The following ZFP30 variants were observed in gnomAD, a reference collection of about 807,000 sequenced individuals.
ZFP30 encodes zinc finger protein 30 homolog.
In ZFP30, 16 loss-of-function variants were observed where a neutral mutation model predicts 12.3. The ratio of observed to expected loss-of-function variants is 1.30; its 90% CI spans 0.88 to 1.98. The LOEUF (loss-of-function observed/expected upper bound fraction) is 1.98. ZFP30 is among the 30% of genes most tolerant of loss of function. ZFP30 has a pLI of 0.00. For synonymous variants in ZFP30, 172 were observed against 201.0 expected (o/e 0.86, Z 1.22); for missense variants, 560 against 611.2 (o/e 0.92, Z 0.88).
intron 5 of ZFP30, among the ~76,000 whole-genome samples, chr19:37,641,844 A>C (rs868407643): frequency 1.2e-4 from 19 of 152,260 alleles, no homozygotes; most frequent in South Asian, 1.2e-3. Context: ...TCATTTATTT[A>C]TTTCCCTTGT....
Position 37,638,587 on chromosome 19 carries a change from T to C in ZFP30, c.236-2282A>G, listed in dbSNP as rs533198673. Among the ~76,000 whole-genome samples the C allele has an allele frequency of 3.5e-4, 54 of 152,302 alleles. No individual in the cohort carries two copies. The East Asian group carries it at 4.0e-3, about 11-fold the overall frequency. ...ACCCAAACTGGAAAGAGTCCAAGTG[T>C]TCATCAATGGAAGAACAGCTAATAA... On this transcript the variant is annotated intron_variant, in intron 5 of 5. Transcript: ENST00000684514.
chr19:37,640,805 G>A (rs950842805), intron 5 of ZFP30, among the ~76,000 whole-genome samples: 9 of 151,944 alleles, frequency 5.9e-5, no homozygotes, highest in African/African-American at 1.4e-4. Flanking sequence ...TGTCATCCCC[G>A]GAGGTATGCT....
At position 37,633,119 on chromosome 19, in the gene ZFP30, CGA is replaced by C. The variant is rs1235373618; in HGVS notation, c.*1860_*1861del. On this transcript the variant is annotated 3_prime_UTR_variant, in exon 6 of 6. Transcript: ENST00000684514. Reference sequence around the variant, plus strand: ...CCGGGAGGCAGAGCTTGCAGTGAGCCGAGACTGTGCCACTGCACGCCAGCCTG... The same window carrying C: ...CCGGGAGGCAGAGCTTGCAGTGAGCCGACTGTGCCACTGCACGCCAGCCTG... 6.8e-6 allele frequency: 1 copy of C among 146,054 alleles called. No individual in the cohort carries two copies. The highest frequency in any genetic ancestry group is 1.5e-5 in the Non-Finnish European group (1 of 67,090). 9.0% of individuals were successfully genotyped at this position (146,054 alleles called of 1,614,324 possible). A position where few individuals can be genotyped will look rare whatever the true frequency, so the allele number is the denominator to read the frequency against.
chr19:37,642,826 C>A (rs761243750), intron 5 of ZFP30, among the ~76,000 whole-genome samples: 1 of 151,752 alleles, frequency 6.6e-6, no homozygotes, highest in Non-Finnish European at 1.5e-5. Flanking sequence ...GAGGCCGAGG[C>A]GGGTGGATCA....
chr19:37,647,661 T>C (rs1163233904), intron 3 of ZFP30, among the ~76,000 whole-genome samples, 153 bp downstream of exon 3: 1 of 152,162 alleles, frequency 6.6e-6, no homozygotes, highest in Non-Finnish European at 1.5e-5. Flanking sequence ...CACTTAGGAA[T>C]CTGGCTGGCT....
intron 5 of ZFP30, among the ~76,000 whole-genome samples, chr19:37,636,635 G>A (rs2044333663): frequency 6.6e-6 from 1 of 151,956 alleles, no homozygotes; most frequent in Non-Finnish European, 1.5e-5. Context: ...ATCAACTCAA[G>A]CCACTGTCCC....
At chr19:37,637,494 C>G (rs1473191236) in intron 5 of ZFP30, among the ~76,000 whole-genome samples, 4 of 151,438 alleles carry the variant, frequency 2.6e-5, no homozygotes, top group Non-Finnish European at 5.9e-5. Context: ...CAGCCTACTT[C>G]TTTCCTTTTT....
intron 5 of ZFP30, among the ~76,000 whole-genome samples, chr19:37,642,321 T>C (rs2044451686): frequency 6.6e-6 from 1 of 152,220 alleles, no homozygotes; most frequent in Non-Finnish European, 1.5e-5. Context: ...TGATGAATAA[T>C]TTGCTGTTAG....
chr19:37,635,418 T>C lies in ZFP30; in HGVS notation c.1123A>G (p.Ile375Val). 1.2e-6 allele frequency: 2 copies of C among 1,614,180 alleles called. No individual in the cohort carries two copies. Among genetic ancestry groups the C allele is most frequent in the Non-Finnish European group, 1.7e-6 (2 of 1,180,040 alleles). Residue 375 changes from isoleucine to valine, a missense_variant, in exon 6 of 6, where the codon ATA becomes GTA. Physicochemically the swap from Ile to Val is conservative, Grantham distance 29. Coordinates refer to ENST00000684514, the MANE Select transcript of ZFP30 (RefSeq NM_001320669.3). ...RGYHLTLHQR[I>V]HTGEKPYECK... is the part of the protein sequence containing the mutation. ...TCATAGGGCTTTTCACCAGTATGTA[T>C]TCTCTGATGGAGAGTTAGATGATAG...
In ZFP30 at chr19:37,636,114, T is replaced by A; in HGVS notation, c.427A>T (p.Thr143Ser). 6.2e-7 allele frequency: 1 copy of A among 1,614,212 alleles called. No homozygotes were observed. Among genetic ancestry groups the A allele is most frequent in the Non-Finnish European group, 8.5e-7 (1 of 1,180,042 alleles). The change falls in exon 6 of 6, where the codon ACA becomes TCA. Residue 143 changes from threonine (T) to serine (S), a missense_variant. Thr to Ser is a moderately conservative substitution (Grantham distance 58, BLOSUM62 1). Coordinates refer to ENST00000684514, the MANE Select transcript of ZFP30 (RefSeq NM_001320669.3). ...CTTTTCTGATACAGAGGAAGAGATG[T>A]GAGTTTTCTGTAAGTAGGCATTTTT... Reference protein sequence around the residue: ...SEKMPTYRKLTSLPLYQKSHN... With the variant: ...SEKMPTYRKLSSLPLYQKSHN...
chr19:37,646,859 A>G (rs2044553234), intron 3 of ZFP30, among the ~76,000 whole-genome samples: 1 of 152,076 alleles, frequency 6.6e-6, no homozygotes, highest in Non-Finnish European at 1.5e-5. Flanking sequence ...CAGCCTTCCA[A>G]TTCCAAAGTA....
intron 3 of ZFP30, among the ~76,000 whole-genome samples, chr19:37,646,177 AAAC>A (rs1456581988): frequency 1.3e-5 from 2 of 152,172 alleles, no homozygotes; most frequent in Non-Finnish European, 2.9e-5. Flanking sequence ...TATCAGATCA[AAAC>A]AACATCATAA....
At chr19:37,641,935 GAAC>G (rs1442913654) in intron 5 of ZFP30, among the ~76,000 whole-genome samples, 2 of 152,184 alleles carry the variant, frequency 1.3e-5, no homozygotes, top group Non-Finnish European at 2.9e-5. Context: ...CCAAGGTGTA[GAAC>G]ATAGTCCTCT....
At position 37,648,205 on chromosome 19, in the gene ZFP30, G is replaced by A. The variant is rs532155410; in HGVS notation, c.-77-306C>T. ...CCAAGGCGGGCTGGTTTGGACCAAA[G>A]AATGGGTTGTGCAGACCTGTCCTGA... On this transcript the variant is annotated intron_variant, in intron 2 of 5. Coordinates refer to ENST00000684514, the MANE Select transcript of ZFP30 (RefSeq NM_001320669.3). Among the ~76,000 whole-genome samples the A allele has an allele frequency of 2.6e-5, 4 of 152,280 alleles. No individual in the cohort carries two copies. In the South Asian group the frequency reaches 8.3e-4, roughly 32 times the overall value.
intron 3 of ZFP30, among the ~76,000 whole-genome samples, chr19:37,645,386 CA>C (rs1394257975): frequency 6.6e-6 from 1 of 151,866 alleles, no homozygotes; most frequent in Non-Finnish European, 1.5e-5. Flanking sequence ...AACAAAAGAC[CA>C]GGGTTTGGCA....
At chr19:37,646,642 T>C (rs747611474) in intron 3 of ZFP30, among the ~76,000 whole-genome samples, 1 of 152,212 alleles carries the variant, frequency 6.6e-6, no homozygotes, top group Non-Finnish European at 1.5e-5. Flanking sequence ...ATTTATTGAT[T>C]ACAGCTCACT....
In ZFP30 at chr19:37,640,695, TG is replaced by T. The variant is rs369651832; in HGVS notation, c.235+2569del. 6.7e-4 allele frequency among the ~76,000 whole-genome samples: 102 copies of T among 151,128 alleles called. 1 individual carries two copies. The East Asian group carries it at 0.019, about 28-fold the overall frequency. Reference sequence around the variant, plus strand: ...TGAACCCAGGAGTCTGAAACCAGTCTGGGCAACATGGAGAAACCTCGTCTCA... The same window carrying T: ...TGAACCCAGGAGTCTGAAACCAGTCTGGCAACATGGAGAAACCTCGTCTCA... On this transcript the variant is annotated intron_variant, in intron 5 of 5. Transcript: ENST00000684514.
chr19:37,655,475 C>G (rs1838325074), upstream of ZFP30: 1 of 152,426 alleles, frequency 6.6e-6, no homozygotes, highest in Admixed American at 6.5e-5. Flanking sequence ...TACGGGAGAG[C>G]GCCTGTCTCC....
At chr19:37,653,430 AT>A (rs1467088620) in intron 2 of ZFP30, among the ~76,000 whole-genome samples, 4 of 152,212 alleles carry the variant, frequency 2.6e-5, no homozygotes, top group African/African-American at 9.7e-5. Flanking sequence ...TAGCAATTTA[AT>A]ATTTAAATAT....
Sources: allele counts gnomAD v4.1 joint callset (sites outside exome capture counted in the v4.1 genomes callset), GRCh38; gene constraint gnomAD v4.1.1; transcripts MANE v1.5; gene names NCBI Gene and HGNC (gene_info 2026-07-23, HGNC 2026-07-21).